The following KCNN2 variants were observed in gnomAD, a reference collection of about 807,000 sequenced individuals.
KCNN2 encodes potassium calcium-activated channel subfamily N member 2, also known as small conductance calcium-activated potassium channel protein 2.
A neutral mutation model predicts 55.5 loss-of-function variants in KCNN2; 24 were observed. The observed-to-expected ratio is 0.43, with a 90% CI of 0.31 to 0.61. KCNN2 has a LOEUF of 0.61. KCNN2 is among the 20% of genes least tolerant of loss of function. KCNN2 has a pLI of 0.08. For missense variants in KCNN2, 754 were observed against 853.6 expected (o/e 0.88, Z 1.45); for synonymous variants, 431 against 336.1 (o/e 1.28, Z -3.09).
In KCNN2 at chr5:114,231,967, A is replaced by G. The variant is rs1432270642; in HGVS notation, c.-185+10402A>G. The stretch of plus-strand genomic sequence containing the variant: ...TCTGACTTGGCAAAAATCAGTTTAA[A>G]TGAATTGAATTCAAAGCGTTGAATT... On this transcript the variant is annotated intron_variant, in intron 2 of 10. Transcript: ENST00000512097. Among the ~76,000 whole-genome samples, 2 of 150,502 alleles carry G rather than the reference A, an allele frequency of 1.3e-5. 1 individual carries two copies. The highest frequency in any genetic ancestry group is 5.0e-5 in the African/African-American group (2 of 39,866).
chr5:114,355,293 G>C (rs1757276735), intron 2 of KCNN2, among the ~76,000 whole-genome samples: 1 of 152,132 alleles, frequency 6.6e-6, no homozygotes, highest in Non-Finnish European at 1.5e-5. Context: ...GAACTTACAG[G>C]GCTGTGATCA....
chr5:114,086,442 C>A (rs1751017358), intron 1 of KCNN2, among the ~76,000 whole-genome samples: 1 of 150,862 alleles, frequency 6.6e-6, no homozygotes, highest in Non-Finnish European at 1.5e-5. Flanking sequence ...GTTTCCTTGC[C>A]CATCTAGTAG....
intron 4 of KCNN2, among the ~76,000 whole-genome samples, chr5:114,471,396 T>C (rs1399957611): frequency 6.6e-6 from 1 of 152,192 alleles, no homozygotes; most frequent in Non-Finnish European, 1.5e-5. Context: ...TAAAGAATAA[T>C]TACAAAAGAA....
intron 2 of KCNN2, among the ~76,000 whole-genome samples, chr5:114,391,260 C>G (rs1278427594): frequency 6.6e-6 from 1 of 152,072 alleles, no homozygotes; most frequent in African/African-American, 2.4e-5. Flanking sequence ...TTATTTAATT[C>G]ATCTACTTGT....
At chr5:114,316,702 AC>A (rs1756508873) in intron 2 of KCNN2, among the ~76,000 whole-genome samples, 1 of 152,242 alleles carries the variant, frequency 6.6e-6, no homozygotes, top group Admixed American at 6.5e-5. Context: ...CAGTCATATT[AC>A]AAAACCATAT....
At chr5:114,255,449 G>A (rs1754963159) in intron 2 of KCNN2, among the ~76,000 whole-genome samples, 2 of 152,172 alleles carry the variant, frequency 1.3e-5, no homozygotes, top group Admixed American at 1.3e-4. Context: ...TCTGGGAATT[G>A]TAAAGATCTT....
intron 2 of KCNN2, among the ~76,000 whole-genome samples, chr5:114,296,406 T>C (rs4705660): frequency 0.12 from 17,592 of 152,262 alleles, 1,260 homozygotes; most frequent in South Asian, 0.21. Flanking sequence ...TTGTTTATGC[T>C]AAGAATATTG....
chr5:114,414,100 T>A (rs1272994622), intron 3 of KCNN2, among the ~76,000 whole-genome samples: 2 of 152,186 alleles, frequency 1.3e-5, no homozygotes, highest in Non-Finnish European at 2.9e-5. Context: ...CCTGCTGGAT[T>A]TTCTGCATTG....
chr5:114,320,627 A>G (rs1315884683), intron 2 of KCNN2, among the ~76,000 whole-genome samples: 13 of 151,892 alleles, frequency 8.6e-5, no homozygotes, highest in African/African-American at 2.7e-4. Flanking sequence ...AAAAAAAAAA[A>G]AATGTTCATC....
chr5:114,415,844 A>T (rs996148688), intron 3 of KCNN2, among the ~76,000 whole-genome samples: 1 of 151,964 alleles, frequency 6.6e-6, no homozygotes, highest in Non-Finnish European at 1.5e-5. Flanking sequence ...TTTCATTTTC[A>T]TTGTTTTTGA....
chr5:114,420,903 C>T (rs995762934), intron 3 of KCNN2, among the ~76,000 whole-genome samples: 1 of 152,094 alleles, frequency 6.6e-6, no homozygotes, highest in African/African-American at 2.4e-5. Flanking sequence ...CATTTTATGG[C>T]AATTTTCAAG....
intron 1 of KCNN2, among the ~76,000 whole-genome samples, chr5:114,161,092 C>T (rs1340329655): frequency 1.3e-5 from 2 of 152,180 alleles, no homozygotes; most frequent in African/African-American, 4.8e-5. Context: ...GCAGTTTCTT[C>T]CTAGCCTTGA....
At chr5:114,256,855 G>A (rs757081635) in intron 2 of KCNN2, among the ~76,000 whole-genome samples, 2 of 152,018 alleles carry the variant, frequency 1.3e-5, no homozygotes, top group Non-Finnish European at 2.9e-5. Flanking sequence ...CTGTGCAGAA[G>A]CTTTAGTTTA....
Position 114,285,245 on chromosome 5 carries a change from C to T in KCNN2, c.-185+63680C>T, listed in dbSNP as rs189283084. On this transcript the variant is annotated intron_variant, in intron 2 of 10. Transcript: ENST00000512097. ...CTTGCAGTGAGCTGAGATCATGCCA[C>T]TGCACTCCAGCCTGGTGACACAGCG... Among the ~76,000 whole-genome samples the T allele has an allele frequency of 2.4e-3, 318 of 132,966 alleles. 4 individuals carry two copies. The highest frequency in any genetic ancestry group is 3.3e-3 in the Non-Finnish European group (219 of 65,516). 87.2% of individuals were successfully genotyped at this position (132,966 alleles called of 152,430 possible). A position where few individuals can be genotyped will look rare whatever the true frequency, so the allele number is the denominator to read the frequency against.
chr5:114,127,554 T>C (rs941085760), intron 1 of KCNN2, among the ~76,000 whole-genome samples: 3 of 152,148 alleles, frequency 2.0e-5, no homozygotes, highest in Non-Finnish European at 4.4e-5. Context: ...AAAACCATTT[T>C]TTCCTCCTAG....
At chr5:114,366,508 A>T (rs1757606699) in intron 2 of KCNN2, among the ~76,000 whole-genome samples, 1 of 152,216 alleles carries the variant, frequency 6.6e-6, no homozygotes, top group Admixed American at 6.5e-5. Flanking sequence ...TTATTAAAAA[A>T]TAAATAAATA....
At chr5:114,134,808 T>C (rs1314427023) in intron 1 of KCNN2, among the ~76,000 whole-genome samples, 1 of 152,150 alleles carries the variant, frequency 6.6e-6, no homozygotes, top group Non-Finnish European at 1.5e-5. Context: ...CTTACAGTAA[T>C]GCGTTTCTCT....
At chr5:114,386,253 G>A (rs929569144) in intron 2 of KCNN2, among the ~76,000 whole-genome samples, 84 of 151,682 alleles carry the variant, frequency 5.5e-4, no homozygotes, top group African/African-American at 1.7e-3. Context: ...CTGCTTGAGA[G>A]CAGTGGAATC....
intron 1 of KCNN2, among the ~76,000 whole-genome samples, chr5:114,196,309 G>A (rs1353859902): frequency 6.6e-6 from 1 of 151,786 alleles, no homozygotes; most frequent in Non-Finnish European, 1.5e-5. Context: ...GTGTTCATAA[G>A]GGATATTGTT....
Sources: gnomAD v4.1 joint callset for allele counts (sites outside exome capture counted in the v4.1 genomes callset) on GRCh38, gnomAD v4.1.1 for gene constraint, MANE v1.5 for transcripts, NCBI Gene and HGNC (gene_info 2026-07-23, HGNC 2026-07-21) for gene names.